Variants in ITGA1 observed in about 807,000 individuals in gnomAD.
The protein encoded by ITGA1 is integrin alpha-1.
Under a neutral mutation model 145.9 loss-of-function variants are expected in ITGA1, and 85 were observed. The observed-to-expected ratio is 0.58, with a 90% CI of 0.49 to 0.70. The LOEUF (loss-of-function observed/expected upper bound fraction) is 0.70. Ranked by LOEUF, ITGA1 falls within the 30% of genes least tolerant of loss-of-function variation. ITGA1 has a pLI of 0.00. For missense variants in ITGA1, 1,351 were observed against 1,418.7 expected, an observed-to-expected ratio of 0.95 and a Z score of 0.77; for synonymous variants, 520 against 495.3, an observed-to-expected ratio of 1.05 and a Z score of -0.66.
At chr5:52,855,543 T>C (rs750415279) in intron 2 of ITGA1, among the ~76,000 whole-genome samples, 13 of 151,700 alleles carry the variant, frequency 8.6e-5, no homozygotes, top group Non-Finnish European at 1.5e-4. Context: ...GAAAAACCAA[T>C]CCCTACTATT....
intron 7 of ITGA1, among the ~76,000 whole-genome samples, chr5:52,886,016 TG>T (rs1750040902): frequency 6.6e-6 from 1 of 152,024 alleles, no homozygotes; most frequent in South Asian, 2.1e-4. Context: ...ATTTAGAGGG[TG>T]GGGAATGAGG....
Position 52,864,798 on chromosome 5 carries a change from G to A in ITGA1, c.331G>A (p.Glu111Lys). 1.2e-6 allele frequency: 2 copies of A among 1,612,494 alleles called. No homozygotes were observed. The highest frequency in any genetic ancestry group is 1.1e-5 in the South Asian group (1 of 90,868). The change falls in exon 4 of 29, where the codon GAG becomes AAG. Residue 111 changes from glutamate (E) to lysine (K), a missense_variant. Glu to Lys is a moderately conservative substitution (Grantham distance 56, BLOSUM62 1). Coordinates refer to ENST00000282588, the MANE Select transcript of ITGA1 (RefSeq NM_181501.2). ...AATTCCCAATGTCACAGAAGTAAAGGAGAACATGACATTTGGATCAACTTT... is the reference window on the plus strand; with the variant it reads ...AATTCCCAATGTCACAGAAGTAAAGAAGAACATGACATTTGGATCAACTTT... ...TSIPNVTEVK[E>K]NMTFGSTLVT... is the part of the protein sequence containing the mutation.
At chr5:52,864,675 A>G in intron 3 of ITGA1, 88 bp from the exon 4 acceptor site, 1 of 781,430 alleles carries the variant, frequency 1.3e-6, no homozygotes, top group South Asian at 1.7e-5. Context: ...TGATATGAGC[A>G]AAACAAATAG....
chr5:52,847,915 C>A (rs1473981555), intron 1 of ITGA1, among the ~76,000 whole-genome samples: 1 of 152,180 alleles, frequency 6.6e-6, no homozygotes, highest in East Asian at 1.9e-4. Flanking sequence ...CTTTAAAAAC[C>A]AGTACCAAAG....
In ITGA1 at chr5:52,937,522, A is replaced by T. The variant is rs747206958; in HGVS notation, c.3078+8A>T. 6.7e-7 allele frequency: 1 copy of T among 1,502,768 alleles called. No homozygotes were observed. The highest frequency in any genetic ancestry group is 1.1e-5 in the South Asian group (1 of 88,282). The allele number at this position is 1,502,768 out of a possible 1,614,324, so 93.1% of individuals were successfully genotyped here. A position where few individuals can be genotyped will look rare whatever the true frequency, so the allele number is the denominator to read the frequency against. ...GGATTGTCATCTTCTGAGGTAAGTCATGTGTGCCTTGGAATTATGTCATTA... is the reference window on the plus strand; with the variant it reads ...GGATTGTCATCTTCTGAGGTAAGTCTTGTGTGCCTTGGAATTATGTCATTA... On this transcript the variant is annotated splice_region_variant and intron_variant, in intron 24 of 28. Coordinates refer to ENST00000282588, the MANE Select transcript of ITGA1 (RefSeq NM_181501.2).
In ITGA1 at chr5:52,955,300, G is replaced by A. The variant is rs1751286366; in HGVS notation, c.*2849G>A. On this transcript the variant is annotated 3_prime_UTR_variant, in exon 29 of 29. Coordinates refer to ENST00000282588, the MANE Select transcript of ITGA1 (RefSeq NM_181501.2). ...TGTATCTGCCACCTCTTACCAACCA[G>A]TGTGAGCTGACTTCAGCACACCACT... 1 of 151,980 alleles carries A rather than the reference G, an allele frequency of 6.6e-6. No individual in the cohort carries two copies. The highest frequency in any genetic ancestry group is 1.5e-5 in the Non-Finnish European group (1 of 68,006). The allele number at this position is 151,980 out of a possible 1,614,324, so 9.4% of individuals were successfully genotyped here.
chr5:52,897,421 T>A (rs1006832555), intron 9 of ITGA1, 34 bp from the exon 10 acceptor site: 1 of 1,445,496 alleles, frequency 6.9e-7, no homozygotes, highest in Non-Finnish European at 9.7e-7. Flanking sequence ...AAGGCATTGT[T>A]ACTTATTTAC....
intron 15 of ITGA1, among the ~76,000 whole-genome samples, chr5:52,918,145 T>G (rs1750676359): frequency 6.6e-6 from 1 of 152,198 alleles, no homozygotes; most frequent in Non-Finnish European, 1.5e-5. Flanking sequence ...TCTTAATAGC[T>G]TTTGACCTGG....
intron 28 of ITGA1, among the ~76,000 whole-genome samples, chr5:52,948,352 G>A (rs1751165020): frequency 6.6e-6 from 1 of 152,064 alleles, no homozygotes; most frequent in South Asian, 2.1e-4. Context: ...ATAGGTTGTG[G>A]CTACATATTA....
At chr5:52,933,857 T>G in intron 22 of ITGA1, 37 bp from the exon 23 acceptor site, 2 of 1,050,182 alleles carry the variant, frequency 1.9e-6, no homozygotes, top group South Asian at 3.6e-5. Flanking sequence ...AGTTAAACTT[T>G]GTTATGTTTT....
At chr5:52,912,249 T>C (rs896750094) in intron 14 of ITGA1, among the ~76,000 whole-genome samples, 1 of 144,914 alleles carries the variant, frequency 6.9e-6, no homozygotes, top group East Asian at 2.1e-4. Flanking sequence ...ATCTACAATA[T>C]ATATTATATA....
intron 12 of ITGA1, among the ~76,000 whole-genome samples, chr5:52,908,581 A>T (rs75794922): frequency 0.031 from 4,696 of 152,296 alleles, 283 homozygotes; most frequent in African/African-American, 0.11. Context: ...TTAAAAAATC[A>T]CTATAGTATT....
In ITGA1 at chr5:52,861,503, A is replaced by G. The variant is rs200169693; in HGVS notation, c.239A>G (p.Tyr80Cys). The G allele has an allele frequency of 1.7e-5, 27 of 1,613,936 alleles. No individual in the cohort carries two copies. Among genetic ancestry groups the G allele is most frequent in the African/African-American group, 4.0e-5 (3 of 75,036 alleles). The change falls in exon 3 of 29, where the codon TAT becomes TGT. Residue 80 changes from tyrosine to cysteine, a missense_variant. Tyr to Cys is a radical substitution (Grantham distance 194). Coordinates refer to ENST00000282588, the MANE Select transcript of ITGA1 (RefSeq NM_181501.2). ...GQPKNRTGDV[Y>C]KCPVGRGESL... Reference sequence around the variant, plus strand: ...CCCAAAAACAGAACTGGAGATGTCTATAAGTGTCCAGTTGGGAGAGGTGAA... The same window carrying G: ...CCCAAAAACAGAACTGGAGATGTCTGTAAGTGTCCAGTTGGGAGAGGTGAA...
intron 14 of ITGA1, among the ~76,000 whole-genome samples, chr5:52,912,140 TA>T (rs1750563397): frequency 7.0e-6 from 1 of 143,358 alleles, no homozygotes; most frequent in Admixed American, 7.1e-5. Context: ...ATAGCGTATC[TA>T]GTATATAGAT....
chr5:52,912,022 AGT>A (rs1345703649), intron 14 of ITGA1, among the ~76,000 whole-genome samples: 1 of 115,366 alleles, frequency 8.7e-6, no homozygotes, highest in African/African-American at 3.1e-5. Flanking sequence ...CTATATGTAT[AGT>A]GTGTATCTAC....
At chr5:52,898,698 C>G (rs1750269544) in intron 11 of ITGA1, among the ~76,000 whole-genome samples, 1 of 152,074 alleles carries the variant, frequency 6.6e-6, no homozygotes, top group Admixed American at 6.6e-5. Flanking sequence ...AACTTTGAAC[C>G]TGGTGGACAA....
At chr5:52,800,820 G>GC in intron 1 of ITGA1, 1 of 1,610,850 alleles carries the variant, frequency 6.2e-7, no homozygotes, top group Non-Finnish European at 8.5e-7. Context: ...CTGTGGTCAT[G>GC]CAGGAAGGCC....
chr5:52,872,876 T>C (rs1749800276), intron 6 of ITGA1, among the ~76,000 whole-genome samples: 1 of 152,150 alleles, frequency 6.6e-6, no homozygotes, highest in Non-Finnish European at 1.5e-5. Context: ...AATGCCTTCC[T>C]CTCCTATGTT....
intron 3 of ITGA1, among the ~76,000 whole-genome samples, chr5:52,862,015 C>T (rs1749613602): frequency 6.6e-6 from 1 of 151,452 alleles, no homozygotes; most frequent in African/African-American, 2.4e-5. Context: ...GTCGGGAGTT[C>T]GAGACCAGCC....
Sources: gnomAD v4.1 joint callset for allele counts (sites outside exome capture counted in the v4.1 genomes callset) on GRCh38, gnomAD v4.1.1 for gene constraint, MANE v1.5 for transcripts, NCBI Gene and HGNC (gene_info 2026-07-23, HGNC 2026-07-21) for gene names.